ACACA: variants seen among roughly 807,000 people sequenced by gnomAD.
ACACA encodes the protein acetyl-CoA carboxylase 1.
Under a neutral mutation model 296.1 loss-of-function variants are expected in ACACA, and 103 were observed. That is an observed-to-expected ratio of 0.35 (90% confidence interval 0.30 to 0.41). The LOEUF (loss-of-function observed/expected upper bound fraction) is 0.41. Ranked by LOEUF, ACACA falls within the 10% of genes least tolerant of loss-of-function variation. ACACA has a pLI of 1.00. For missense variants in ACACA, 1,554 were observed against 2,989.7 expected, an observed-to-expected ratio of 0.52 and a Z score of 11.20; for synonymous variants, 953 against 1,038.6, an observed-to-expected ratio of 0.92 and a Z score of 1.58.
intron 48 of ACACA, among the ~76,000 whole-genome samples, chr17:37,123,345 T>C (rs905374922): frequency 6.6e-6 from 1 of 152,198 alleles, no homozygotes; most frequent in Non-Finnish European, 1.5e-5. Context: ...AAGCTATGTT[T>C]ATTTAAAAAA....
intron 22 of ACACA, 29 bp downstream of exon 22, chr17:37,243,342 A>G (rs368964870): frequency 2.5e-5 from 40 of 1,605,892 alleles, no homozygotes; most frequent in Non-Finnish European, 1.7e-6. Flanking sequence ...TGGTAGCCAG[A>G]AAAAAATATA....
intron 1 of ACACA, among the ~76,000 whole-genome samples, chr17:37,350,161 A>G (rs930898023): frequency 4.6e-5 from 7 of 151,970 alleles, no homozygotes; most frequent in African/African-American, 1.4e-4. Context: ...CCGTCTCTAT[A>G]AAAAATAAAA....
At chr17:37,177,782 T>C (rs577876622) in intron 41 of ACACA, among the ~76,000 whole-genome samples, 1 of 152,298 alleles carries the variant, frequency 6.6e-6, no homozygotes, top group Admixed American at 6.5e-5. Context: ...TATCTATGCT[T>C]GTCAAAATGT....
intron 33 of ACACA, among the ~76,000 whole-genome samples, chr17:37,203,206 CG>C (rs1015253328): frequency 6.6e-6 from 1 of 151,858 alleles, no homozygotes; most frequent in Non-Finnish European, 1.5e-5. Flanking sequence ...GTGATCTGCC[CG>C]CCTTGGCCTC....
At chr17:37,363,561 G>A (rs894088702) in intron 1 of ACACA, among the ~76,000 whole-genome samples, 4 of 150,366 alleles carry the variant, frequency 2.7e-5, no homozygotes, top group African/African-American at 9.7e-5. Flanking sequence ...TATCATTATT[G>A]TTCCCCTCTT....
At chr17:37,240,728 A>G (rs531304499) in intron 23 of ACACA, among the ~76,000 whole-genome samples, 164 bp from the exon 24 acceptor site, 1 of 152,342 alleles carries the variant, frequency 6.6e-6, no homozygotes, top group Non-Finnish European at 1.5e-5. Context: ...TTCTAAGCCT[A>G]AAAGAAATCT....
chr17:37,275,760 C>A (rs1177570219), intron 8 of ACACA, among the ~76,000 whole-genome samples, 191 bp downstream of exon 8: 1 of 152,106 alleles, frequency 6.6e-6, no homozygotes, highest in Non-Finnish European at 1.5e-5. Context: ...CATCTGTGTA[C>A]CTGGAACTAA....
At chr17:37,173,805 A>C (rs1315479782) in intron 41 of ACACA, among the ~76,000 whole-genome samples, 4 of 148,708 alleles carry the variant, frequency 2.7e-5, no homozygotes. Flanking sequence ...AATACCAGTC[A>C]TGATGGCAGC....
intron 1 of ACACA, among the ~76,000 whole-genome samples, chr17:37,357,396 G>A (rs2049191132): frequency 1.3e-5 from 2 of 152,120 alleles, no homozygotes; most frequent in South Asian, 4.1e-4. Flanking sequence ...GGGAGGCTGA[G>A]GCATGAGAAT....
At chr17:37,340,741 A>G (rs778892263) in intron 1 of ACACA, among the ~76,000 whole-genome samples, 11 of 152,186 alleles carry the variant, frequency 7.2e-5, no homozygotes, top group Non-Finnish European at 1.5e-4. Context: ...GAGGAAGGAA[A>G]AAGTTTGGAT....
chr17:37,254,961 C>T (rs1306815730), intron 14 of ACACA, among the ~76,000 whole-genome samples: 1 of 151,742 alleles, frequency 6.6e-6, no homozygotes, highest in Non-Finnish European at 1.5e-5. Context: ...ATTAGCCAGG[C>T]ATGGTGGCAC....
chr17:37,282,628 A>AT (rs2082591956), intron 5 of ACACA, among the ~76,000 whole-genome samples: 2 of 152,316 alleles, frequency 1.3e-5, no homozygotes, highest in South Asian at 2.1e-4. Context: ...GGAGTAAAAG[A>AT]TAAAAAAAAG....
intron 10 of ACACA, among the ~76,000 whole-genome samples, chr17:37,265,011 T>C (rs7207026): frequency 0.018 from 2,683 of 152,288 alleles, 86 homozygotes; most frequent in African/African-American, 0.062. Flanking sequence ...GAGCCTCAGC[T>C]GGAATCGTTC....
intron 29 of ACACA, among the ~76,000 whole-genome samples, chr17:37,216,219 T>C (rs932617881): frequency 1.3e-5 from 2 of 150,834 alleles, no homozygotes; most frequent in Non-Finnish European, 3.0e-5. Flanking sequence ...TATATATATA[T>C]ATATATATGT....
chr17:37,094,339 C>A (rs1445894365), intron 54 of ACACA, among the ~76,000 whole-genome samples: 1 of 152,176 alleles, frequency 6.6e-6, no homozygotes, highest in Non-Finnish European at 1.5e-5. Flanking sequence ...CTTCAATTTT[C>A]TGTCCCAGAA....
intron 1 of ACACA, among the ~76,000 whole-genome samples, chr17:37,393,185 A>T (rs986006326): frequency 2.6e-5 from 4 of 151,744 alleles, no homozygotes; most frequent in Admixed American, 1.3e-4. Flanking sequence ...CTAAATGTCC[A>T]TAGAGCATAC....
intron 45 of ACACA, among the ~76,000 whole-genome samples, chr17:37,134,262 C>A (rs558520677): frequency 6.6e-6 from 1 of 152,156 alleles, no homozygotes; most frequent in South Asian, 2.1e-4. Context: ...CCTAATATAC[C>A]GCCTGCTCTC....
intron 14 of ACACA, 37 bp from the exon 15 acceptor site, chr17:37,253,073 C>T: frequency 6.2e-7 from 1 of 1,614,102 alleles, no homozygotes; most frequent in Non-Finnish European, 8.5e-7. Context: ...CAGCAACAAA[C>T]ACTTTAATGT....
chr17:37,351,983 T>C (rs527787288), intron 1 of ACACA, among the ~76,000 whole-genome samples: 2 of 146,482 alleles, frequency 1.4e-5, no homozygotes, highest in East Asian at 4.0e-4. Flanking sequence ...CAGGCTGGAG[T>C]GCAGCGGCGC....
Sources: gnomAD v4.1 joint callset for allele counts (sites outside exome capture counted in the v4.1 genomes callset) on GRCh38, gnomAD v4.1.1 for gene constraint, MANE v1.5 for transcripts, NCBI Gene and HGNC (gene_info 2026-07-23, HGNC 2026-07-21) for gene names.